The following SASH1 variants were observed in gnomAD, a reference collection of about 807,000 sequenced individuals.
The protein encoded by SASH1 is SAM and SH3 domain containing 1, also known as SAM and SH3 domain-containing protein 1.
In SASH1, 44 loss-of-function variants were observed where a neutral mutation model predicts 125.2. The observed-to-expected ratio is 0.35, with a 90% confidence interval of 0.28 to 0.45. The LOEUF (loss-of-function observed/expected upper bound fraction) is 0.45, where lower values mean the gene tolerates loss of function less well. Among genes scored for constraint, SASH1 ranks in the 20% least tolerant of loss-of-function variants. SASH1 has a pLI of 1.00. For synonymous variants in SASH1, 639 were observed against 649.1 expected (o/e 0.98, Z 0.24); for missense variants, 1,426 against 1,614.5 (o/e 0.88, Z 2.00).
intron 1 of SASH1, among the ~76,000 whole-genome samples, chr6:148,274,571 T>C (rs1034576269): frequency 2.0e-5 from 3 of 152,146 alleles, no homozygotes; most frequent in Non-Finnish European, 4.4e-5. Context: ...GATGTATTGA[T>C]CAACTCAGAC....
At chr6:148,546,213 C>T (rs1438482497) in intron 19 of SASH1, 67 bp downstream of exon 19, 14 of 1,549,282 alleles carry the variant, frequency 9.0e-6, no homozygotes, top group Non-Finnish European at 1.2e-5. Flanking sequence ...GATGACCATA[C>T]TAACAACTGC....
intron 8 of SASH1, among the ~76,000 whole-genome samples, chr6:148,497,826 T>C (rs1779377511): frequency 6.6e-6 from 1 of 152,220 alleles, no homozygotes; most frequent in Non-Finnish European, 1.5e-5. Context: ...TGGTATGATT[T>C]TAGTAAGCAT....
At chr6:148,238,800 C>T in the SASH1 span, among the ~76,000 whole-genome samples, 1 of 152,146 alleles carries the variant, frequency 6.6e-6, no homozygotes, top group African/African-American at 2.4e-5. Context: ...ACTCTTTTGT[C>T]ACATCTAGGC....
chr6:148,341,320 TTTTTTTTTTG>T (rs1485829535), upstream of SASH1, among the ~76,000 whole-genome samples: 33 of 148,368 alleles, frequency 2.2e-4, no homozygotes, highest in African/African-American at 8.2e-4. Context: ...ATGTTTTGTT[TTTTTTTTTTG>T]TTTTTTTTTT....
chr6:148,544,727 C>T lies in SASH1; in HGVS notation c.3257C>T (p.Ser1086Phe). The T allele has an allele frequency of 1.2e-6, 2 of 1,609,666 alleles. No individual in the cohort carries two copies. Among genetic ancestry groups the T allele is most frequent in the African/African-American group, 1.3e-5 (1 of 74,964 alleles). The part of the protein sequence containing the change: ...KLGPALTRKV[S>F]CARGVDLETL... Reference sequence around the variant, plus strand: ...GGCCCGGCTTTGACCAGGAAGGTCTCCTGTGCCCGGGGAGTGGATCTAGAA... The same window carrying T: ...GGCCCGGCTTTGACCAGGAAGGTCTTCTGTGCCCGGGGAGTGGATCTAGAA... Residue 1086 changes from serine (S) to phenylalanine (F), a missense_variant, in exon 18 of 20, where the codon TCC (serine) becomes TTC (phenylalanine). Around this residue, in one of 3 missense-constraint regions of SASH1, gnomAD observed 634 missense variants for 694.4 expected, o/e 0.91. Coordinates refer to ENST00000367467, the MANE Select transcript of SASH1 (RefSeq NM_015278.5). The surrounding 1 kb of genome is among the most constrained non-coding windows in gnomAD (Gnocchi z 6.4).
chr6:148,198,048 C>T, the SASH1 span, among the ~76,000 whole-genome samples: 27 of 152,294 alleles, frequency 1.8e-4, no homozygotes, highest in East Asian at 3.9e-3. Flanking sequence ...CAGGGCTTCA[C>T]CAAGTTGGCC....
At position 148,481,992 on chromosome 6, in the gene SASH1, T is replaced by C. The variant is rs115263124; in HGVS notation, c.628-5622T>C. On this transcript the variant is annotated intron_variant, in intron 7 of 19. Coordinates refer to ENST00000367467, the MANE Select transcript of SASH1 (RefSeq NM_015278.5). ...AAAATGAGGTGCGGCTGTACCAATT[T>C]TAAGGGCTTACATAGCTCTTGGCAA... 3.1e-3 allele frequency among the ~76,000 whole-genome samples: 475 copies of C among 152,262 alleles called. 3 individuals carry two copies. Among genetic ancestry groups the C allele is most frequent in the African/African-American group, 0.011 (449 of 41,528 alleles).
At chr6:148,392,228 G>A (rs934579437) in intron 2 of SASH1, among the ~76,000 whole-genome samples, 2 of 151,368 alleles carry the variant, frequency 1.3e-5, no homozygotes, top group African/African-American at 2.4e-5. Context: ...GGAGGTTGTG[G>A]TGAGCCGAGA....
intron 1 of SASH1, among the ~76,000 whole-genome samples, chr6:148,307,024 T>TTTTCTTCC (rs1780145620): frequency 2.5e-5 from 3 of 120,688 alleles, no homozygotes; most frequent in Non-Finnish European, 5.2e-5. Context: ...TTTCTCTTTC[T>TTTTCTTCC]TTTCTTTCTT....
At chr6:148,421,142 GAAGGAAGAAAGA>G (rs1344891896) in intron 2 of SASH1, among the ~76,000 whole-genome samples, 725 of 50,208 alleles carry the variant, frequency 0.014, 4 homozygotes, top group Non-Finnish European at 0.02. Context: ...AGGAAGGAAG[GAAGGAAGAAAGA>G]AAGAAAGAAA....
the SASH1 span, among the ~76,000 whole-genome samples, chr6:148,211,243 G>A: frequency 3.3e-5 from 5 of 152,130 alleles, no homozygotes; most frequent in Admixed American, 2.6e-4. Flanking sequence ...CTCTTTGTGG[G>A]TCTCCTGGGT....
At chr6:148,391,171 G>A (rs1331142744) in intron 2 of SASH1, among the ~76,000 whole-genome samples, 4 of 150,950 alleles carry the variant, frequency 2.6e-5, no homozygotes, top group South Asian at 2.1e-4. Flanking sequence ...GTGCAGTGGC[G>A]TGATCTGGGC....
At chr6:148,292,740 C>A (rs1191903783) in intron 1 of SASH1, among the ~76,000 whole-genome samples, 2 of 152,110 alleles carry the variant, frequency 1.3e-5, no homozygotes, top group Admixed American at 1.3e-4. Flanking sequence ...AGGTTCAATG[C>A]CAGGCTTTAA....
At chr6:148,359,084 T>TA (rs1029261959) in intron 1 of SASH1, among the ~76,000 whole-genome samples, 98 of 145,976 alleles carry the variant, frequency 6.7e-4, no homozygotes, top group African/African-American at 2.3e-3. Flanking sequence ...TATTTAAAAA[T>TA]AAAAAAAAAA....
At chr6:148,382,958 T>C (rs533712615) in intron 1 of SASH1, among the ~76,000 whole-genome samples, 169 of 152,202 alleles carry the variant, frequency 1.1e-3, no homozygotes, top group Non-Finnish European at 1.9e-3. Flanking sequence ...TAAAACTTTT[T>C]CCTGAGACAA....
chr6:148,208,646 A>C, the SASH1 span, among the ~76,000 whole-genome samples: 1 of 152,182 alleles, frequency 6.6e-6, no homozygotes, highest in East Asian at 1.9e-4. Flanking sequence ...GAAAATGAAC[A>C]GGGGATAGGT....
chr6:148,278,964 T>G lies in SASH1; in HGVS notation n.74+6587T>G, dbSNP rs115958146. 1.6e-3 allele frequency among the ~76,000 whole-genome samples: 250 copies of G among 152,166 alleles called. 2 individuals are homozygous for G. Among genetic ancestry groups the G allele is most frequent in the African/African-American group, 5.6e-3 (231 of 41,542 alleles). On this transcript the variant is annotated intron_variant and non_coding_transcript_variant, in intron 1 of 3. Coordinates refer to the SASH1 transcript ENST00000367469. ...TCTCAAAGGTCTAGAGGTTGAATTT[T>G]AAGCAAACTCTTCATTGAGCAAATG...
rs549909950 is a variant in SASH1 at position 148,420,972 on chromosome 6, A to G, written c.286-19212A>G. Among the ~76,000 whole-genome samples the G allele has an allele frequency of 2.0e-5, 3 of 151,942 alleles. No homozygotes were observed. The South Asian group carries it at 6.2e-4, about 32-fold the overall frequency. ...TTGGCGCGTGCCTGTAATCCCAGCT[A>G]CTCAGGGTGGCTGAGGCAGGAGAAT... is the stretch of plus-strand genomic sequence containing the variant. On this transcript the variant is annotated intron_variant, in intron 2 of 19. Transcript: ENST00000367467.
chr6:148,511,572 A>G (rs1016854942), intron 8 of SASH1, among the ~76,000 whole-genome samples: 1 of 152,180 alleles, frequency 6.6e-6, no homozygotes, highest in Non-Finnish European at 1.5e-5. Flanking sequence ...ACAAAGAAGT[A>G]TAATTCAAAG....
Sources: gnomAD v4.1 joint callset for allele counts (sites outside exome capture counted in the v4.1 genomes callset) on GRCh38, gnomAD v4.1.1 for gene constraint, gnomAD v4.1.1 regional missense constraint, Gnocchi (gnomAD v3.1) non-coding constraint, MANE v1.5 for transcripts, NCBI Gene and HGNC (gene_info 2026-07-23, HGNC 2026-07-21) for gene names.